The following LMBRD1 variants were observed in gnomAD, a reference collection of about 807,000 sequenced individuals.
LMBRD1 encodes lysosomal cobalamin transport escort protein LMBD1.
In LMBRD1, 64 loss-of-function variants were observed where a neutral mutation model predicts 74.8. The ratio of observed to expected loss-of-function variants is 0.86; its 90% confidence interval spans 0.70 to 1.05. The LOEUF is 1.05. Among genes scored for constraint, LMBRD1 ranks in the 50% least tolerant of loss-of-function variants. LMBRD1 has a pLI of 0.00. For missense variants in LMBRD1, 652 were observed against 645.9 expected (o/e 1.01, Z -0.10); for synonymous variants, 204 against 216.3 (o/e 0.94, Z 0.50).
intron 9 of LMBRD1, among the ~76,000 whole-genome samples, chr6:69,709,690 A>C (rs377744318): frequency 4.6e-5 from 7 of 152,338 alleles, no homozygotes; most frequent in African/African-American, 1.7e-4. Flanking sequence ...TGAAGGTACT[A>C]GAACTAATAA....
intron 8 of LMBRD1, among the ~76,000 whole-genome samples, chr6:69,716,805 C>A (rs557815862): frequency 7.7e-4 from 117 of 151,758 alleles, no homozygotes; most frequent in Non-Finnish European, 1.5e-3. Context: ...TGGGTACAAA[C>A]ATATACATAC....
At chr6:69,761,935 T>C (rs1765384000) in intron 3 of LMBRD1, among the ~76,000 whole-genome samples, 2 of 152,326 alleles carry the variant, frequency 1.3e-5, no homozygotes, top group South Asian at 2.1e-4. Flanking sequence ...GGGGTTGGGA[T>C]TTTTTCTCTG....
intron 9 of LMBRD1, chr6:69,705,375 G>C: frequency 1.2e-6 from 1 of 857,950 alleles, no homozygotes; most frequent in Non-Finnish European, 2.0e-6. Context: ...GATGAACTTG[G>C]CTTCCACTTT....
At chr6:69,756,800 C>A (rs1394465820) in intron 3 of LMBRD1, among the ~76,000 whole-genome samples, 4 of 152,138 alleles carry the variant, frequency 2.6e-5, no homozygotes, top group African/African-American at 9.7e-5. Context: ...AGCAAGAATT[C>A]TCCAAAAATC....
chr6:69,715,669 T>G (rs1033638909), intron 8 of LMBRD1, among the ~76,000 whole-genome samples: 2 of 152,054 alleles, frequency 1.3e-5, no homozygotes, highest in African/African-American at 4.8e-5. Flanking sequence ...TTAAATATCC[T>G]TCAACAAATT....
At chr6:69,783,704 A>G (rs1332883489) in intron 2 of LMBRD1, among the ~76,000 whole-genome samples, 3 of 151,956 alleles carry the variant, frequency 2.0e-5, no homozygotes, top group Non-Finnish European at 2.9e-5. Context: ...AGAACAATGT[A>G]TCAATGGGCC....
intron 9 of LMBRD1, among the ~76,000 whole-genome samples, chr6:69,704,557 C>T (rs1216316551): frequency 6.6e-6 from 1 of 152,068 alleles, no homozygotes; most frequent in Non-Finnish European, 1.5e-5. Context: ...ACACTTCTTA[C>T]TTTCTGGCAT....
At chr6:69,706,069 A>C in intron 9 of LMBRD1, 1 of 701,856 alleles carries the variant, frequency 1.4e-6, no homozygotes, top group Non-Finnish European at 2.6e-6. Flanking sequence ...ATCCACCTTA[A>C]AGTGATAATC....
chr6:69,709,218 G>C (rs1383327219), intron 9 of LMBRD1, among the ~76,000 whole-genome samples: 1 of 149,364 alleles, frequency 6.7e-6, no homozygotes, highest in African/African-American at 2.5e-5. Flanking sequence ...TGGGCAACAA[G>C]AGCAAAACTC....
At chr6:69,680,653 CGTT>C (rs899843031) in intron 14 of LMBRD1, among the ~76,000 whole-genome samples, 2 of 151,998 alleles carry the variant, frequency 1.3e-5, no homozygotes, top group Non-Finnish European at 2.9e-5. Context: ...CATCATTCTG[CGTT>C]GTTGTTGAAA....
At chr6:69,726,851 G>A (rs895533377) in intron 7 of LMBRD1, among the ~76,000 whole-genome samples, 12 of 151,964 alleles carry the variant, frequency 7.9e-5, no homozygotes, top group East Asian at 1.9e-4. Flanking sequence ...TAATAATTTC[G>A]TTGTACATTT....
chr6:69,736,122 T>G (rs1025815743), intron 7 of LMBRD1, among the ~76,000 whole-genome samples: 4 of 152,168 alleles, frequency 2.6e-5, no homozygotes, highest in Non-Finnish European at 5.9e-5. Flanking sequence ...TATCTACCAA[T>G]TGACCACTGG....
intron 14 of LMBRD1, among the ~76,000 whole-genome samples, chr6:69,690,227 A>G (rs935310013): frequency 1.6e-4 from 25 of 152,040 alleles, no homozygotes; most frequent in Admixed American, 1.3e-4. Flanking sequence ...CAGTCTCACA[A>G]CTTTACTTCC....
chr6:69,678,050 A>T (rs1337133751), intron 14 of LMBRD1, among the ~76,000 whole-genome samples: 1 of 152,114 alleles, frequency 6.6e-6, no homozygotes, highest in Non-Finnish European at 1.5e-5. Flanking sequence ...CACAATCAAA[A>T]ATCCACATAT....
chr6:69,701,159 T>C (rs1325044439), intron 11 of LMBRD1, among the ~76,000 whole-genome samples: 1 of 151,814 alleles, frequency 6.6e-6, no homozygotes, highest in Non-Finnish European at 1.5e-5. Flanking sequence ...ATACCAAAAA[T>C]AATTTGGAGA....
intron 12 of LMBRD1, among the ~76,000 whole-genome samples, chr6:69,700,447 T>C (rs1190724489): frequency 6.6e-6 from 1 of 151,852 alleles, no homozygotes; most frequent in African/African-American, 2.4e-5. Context: ...GCTAGGTAAG[T>C]CTGCCCTATG....
At chr6:69,679,418 C>T (rs1280476154) in intron 14 of LMBRD1, among the ~76,000 whole-genome samples, 1 of 152,116 alleles carries the variant, frequency 6.6e-6, no homozygotes, top group Non-Finnish European at 1.5e-5. Context: ...ACAGAACTTA[C>T]TTCACAGTGA....
rs71741122 is a variant in LMBRD1 at position 69,777,444 on chromosome 6, C to CAAAA, written c.307+3046_307+3049dup. 1.3e-3 allele frequency among the ~76,000 whole-genome samples: 137 copies of CAAAA among 104,134 alleles called. No homozygotes were observed. In the Middle Eastern group the frequency reaches 0.018, roughly 14 times the overall value. The allele number at this position is 104,134 out of a possible 152,430, so 68.3% of individuals were successfully genotyped here. ...TGCGCAACAGAGCAAGACTCTGTTG[C>CAAAA]AAAAAAAAAAAAAAAAGAGGCCCCA... On this transcript the variant is annotated intron_variant, in intron 3 of 15. Transcript: ENST00000649934.
intron 5 of LMBRD1, among the ~76,000 whole-genome samples, chr6:69,744,517 C>T (rs9346342): frequency 0.57 from 86,653 of 152,028 alleles, 25,220 homozygotes; most frequent in East Asian, 0.73. Context: ...ATCTGATTCA[C>T]TGAATTAACT....
Sources: allele counts gnomAD v4.1 joint callset (sites outside exome capture counted in the v4.1 genomes callset), GRCh38; gene constraint gnomAD v4.1.1; transcripts MANE v1.5; gene names NCBI Gene and HGNC (gene_info 2026-07-23, HGNC 2026-07-21).